Variants in CACNA1A observed in about 807,000 individuals in gnomAD.
The protein encoded by CACNA1A is calcium voltage-gated channel subunit alpha1 A.
In CACNA1A, 57 loss-of-function variants were observed where a neutral mutation model predicts 262.4. The ratio of observed to expected loss-of-function variants is 0.22; its 90% CI spans 0.18 to 0.27. The LOEUF is 0.27. Ranked by LOEUF, CACNA1A falls within the 10% of genes least tolerant of loss-of-function variation. The probability of loss-of-function intolerance (pLI) is 1.00; values close to 1 mark genes in which losing one functional copy is unlikely to be tolerated. For synonymous variants in CACNA1A, 1,431 were observed against 1,419.3 expected, an observed-to-expected ratio of 1.01 and a Z score of -0.18; for missense variants, 2,526 against 3,562.8, an observed-to-expected ratio of 0.71 and a Z score of 7.41.
chr19:13,245,049 T>G, intron 31 of CACNA1A, 133 bp downstream of exon 31: 1 of 744,208 alleles, frequency 1.3e-6, no homozygotes, highest in Admixed American at 2.2e-5. Flanking sequence ...TCTCCCTCTC[T>G]GGTCATGGCC....
At chr19:13,352,198 G>C (rs1340393187) in intron 6 of CACNA1A, among the ~76,000 whole-genome samples, 1 of 152,048 alleles carries the variant, frequency 6.6e-6, no homozygotes, top group Non-Finnish European at 1.5e-5. Context: ...TTGAACTTAC[G>C]AGTTCGAGAC....
At chr19:13,365,581 ATTAAG>A in intron 4 of CACNA1A, 112 bp from the exon 5 acceptor site, 1 of 881,732 alleles carries the variant, frequency 1.1e-6, no homozygotes, top group Non-Finnish European at 1.7e-6. Context: ...CTGAGGGAAC[ATTAAG>A]CACCCAGGAG....
At chr19:13,237,227 A>G (rs1600142819) in intron 31 of CACNA1A, among the ~76,000 whole-genome samples, 1 of 152,076 alleles carries the variant, frequency 6.6e-6, no homozygotes, top group South Asian at 2.1e-4. Context: ...AGACATGGAA[A>G]CCCTCCTTCG....
chr19:13,455,218 G>A lies in CACNA1A; in HGVS notation c.294-6C>T, dbSNP rs764502828. 3.3e-5 allele frequency: 51 copies of A among 1,549,768 alleles called. No individual in the cohort carries two copies. In the Admixed American group the frequency reaches 8.5e-4, roughly 26 times the overall value. ...AAATCATATATTCAAAGGGAGTATT[G>A]GGGAATTAAGGAAAAATCTTGTTCA... On this transcript the variant is annotated splice_region_variant and splice_polypyrimidine_tract_variant and intron_variant, in intron 1 of 46. Coordinates refer to ENST00000360228, the MANE Select transcript of CACNA1A (RefSeq NM_001127222.2).
chr19:13,216,644 A>C (rs2055019465), intron 38 of CACNA1A, among the ~76,000 whole-genome samples: 1 of 140,750 alleles, frequency 7.1e-6, no homozygotes, highest in Non-Finnish European at 1.5e-5. Flanking sequence ...TTTTTTTAAA[A>C]ATTTATCTAT....
intron 3 of CACNA1A, among the ~76,000 whole-genome samples, chr19:13,440,882 T>A (rs1330461595): frequency 6.6e-6 from 1 of 152,214 alleles, no homozygotes; most frequent in African/African-American, 2.4e-5. Flanking sequence ...CACGGCTCAC[T>A]GCAGACTTGA....
rs2056077870 is a variant in CACNA1A at position 13,241,408 on chromosome 19, A to G, written c.4950+3774T>C. On this transcript the variant is annotated intron_variant, in intron 31 of 46. Transcript: ENST00000360228. This position sits in a 1 kb window ranked among gnomAD's most constrained non-coding sequence, Gnocchi z 4.0. ...CAGAGGAGAGCGGAGGGTTGAGGAG[A>G]GCGTCAGGCATCCCACGTTGGAGAG... is the stretch of plus-strand genomic sequence containing the variant. The G allele has an allele frequency of 8.1e-6, 6 of 737,608 alleles. No homozygotes were observed. The highest frequency in any genetic ancestry group is 5.9e-5 in the South Asian group (4 of 67,634). 45.7% of individuals were successfully genotyped at this position (737,608 alleles called of 1,614,324 possible).
chr19:13,479,393 C>T (rs1978972620), intron 1 of CACNA1A, among the ~76,000 whole-genome samples: 2 of 152,138 alleles, frequency 1.3e-5, no homozygotes, highest in Non-Finnish European at 1.5e-5. Flanking sequence ...GAGAGAAGAA[C>T]AATGCAGACA....
In CACNA1A at chr19:13,428,971, C is replaced by CAG. The variant is rs946850301; in HGVS notation, c.539+23903_539+23904dup. On this transcript the variant is annotated intron_variant, in intron 3 of 46. Transcript: ENST00000360228. ...CGGCACAGGTGAATCACGCCTCAAA[C>CAG]AGAGAGAGCCTCTGCAAATGGAATA... Among the ~76,000 whole-genome samples, 81 of 152,186 alleles carry CAG rather than the reference C, an allele frequency of 5.3e-4. 2 individuals are homozygous for CAG. Among genetic ancestry groups the CAG allele is most frequent in the Admixed American group, 5.0e-3 (77 of 15,268 alleles).
In CACNA1A at chr19:13,308,988, C is replaced by CTTAT. The variant is rs935034457; in HGVS notation, c.1669-464_1669-461dup. Among the ~76,000 whole-genome samples the CTTAT allele has an allele frequency of 7.2e-5, 11 of 151,834 alleles. No homozygotes were observed. The highest frequency in any genetic ancestry group is 1.9e-4 in the East Asian group (1 of 5,184). On this transcript the variant is annotated intron_variant, in intron 12 of 46. Coordinates refer to ENST00000360228, the MANE Select transcript of CACNA1A (RefSeq NM_001127222.2). The surrounding 1 kb of genome is among the most constrained non-coding windows in gnomAD (Gnocchi z 4.2). Reference sequence around the variant, plus strand: ...AGCATTGAGCCACTGCACCCGGCCTCTTATTTATTTATTTATTTTTATTTA... The same window carrying CTTAT: ...AGCATTGAGCCACTGCACCCGGCCTCTTATTTATTTATTTATTTATTTTTATTTA...
chr19:13,336,433 G>A (rs1387971239), intron 6 of CACNA1A, among the ~76,000 whole-genome samples: 1 of 151,908 alleles, frequency 6.6e-6, no homozygotes, highest in Non-Finnish European at 1.5e-5. Context: ...AAAATTCTCA[G>A]AAGTTTCAGC....
rs138200992 is a variant in CACNA1A, at chr19:13,439,082, T to C, written c.539+13794A>G. Among the ~76,000 whole-genome samples, 177 of 152,008 alleles carry C rather than the reference T, an allele frequency of 1.2e-3. 6 individuals are homozygous for C. The East Asian group carries it at 0.029, about 25-fold the overall frequency. The stretch of plus-strand genomic sequence containing the variant: ...TATCCTGTTCCCCTGTTTCCTGGTA[T>C]TGCCAAACAAACCACTTGTCCTCAA... On this transcript the variant is annotated intron_variant, in intron 3 of 46. Coordinates refer to ENST00000360228, the MANE Select transcript of CACNA1A (RefSeq NM_001127222.2).
intron 38 of CACNA1A, among the ~76,000 whole-genome samples, chr19:13,218,092 T>A (rs1484717804): frequency 2.6e-5 from 4 of 151,892 alleles, no homozygotes; most frequent in African/African-American, 9.7e-5. Context: ...GTTCATTCTA[T>A]TTATTTATTT....
intron 30 of CACNA1A, 189 bp from the exon 31 acceptor site, chr19:13,245,454 C>T: frequency 1.7e-6 from 1 of 591,330 alleles, no homozygotes; most frequent in South Asian, 1.9e-5. Context: ...CCTGGGAACT[C>T]CTGGGGGCCT....
intron 4 of CACNA1A, among the ~76,000 whole-genome samples, chr19:13,370,268 G>A (rs984388745): frequency 6.6e-6 from 1 of 151,654 alleles, no homozygotes; most frequent in Non-Finnish European, 1.5e-5. Context: ...GCCCGGCTAA[G>A]TTTTGTATTT....
chr19:13,290,764 T>TAC (rs936997485), intron 19 of CACNA1A, among the ~76,000 whole-genome samples: 1 of 152,018 alleles, frequency 6.6e-6, no homozygotes, highest in Non-Finnish European at 1.5e-5. Flanking sequence ...CACATATATA[T>TAC]ACACATTTCA....
rs991774855 is a variant in CACNA1A, at chr19:13,453,367, A to G, written c.400-352T>C. Among the ~76,000 whole-genome samples the G allele has an allele frequency of 4.6e-5, 7 of 152,238 alleles. No individual in the cohort carries two copies. The East Asian group carries it at 1.3e-3, about 29-fold the overall frequency. On this transcript the variant is annotated intron_variant, in intron 2 of 46. Coordinates refer to ENST00000360228, the MANE Select transcript of CACNA1A (RefSeq NM_001127222.2). ...TTAAATGCAATAAAATAAAAAACAC[A>G]GTTCTGCAGTCACACTGGCTACATT... is the stretch of plus-strand genomic sequence containing the variant.
chr19:13,432,971 C>T (rs2060540341), intron 3 of CACNA1A, among the ~76,000 whole-genome samples: 2 of 151,662 alleles, frequency 1.3e-5, no homozygotes, highest in African/African-American at 4.8e-5. Flanking sequence ...CCAGCTTGGG[C>T]AACATAGCAA....
intron 19 of CACNA1A, among the ~76,000 whole-genome samples, chr19:13,292,174 C>T (rs2057555275): frequency 6.6e-6 from 1 of 152,080 alleles, no homozygotes; most frequent in Non-Finnish European, 1.5e-5. Context: ...CCACTGGGCT[C>T]GGCCACCTGG....
Sources: allele counts gnomAD v4.1 joint callset (sites outside exome capture counted in the v4.1 genomes callset), GRCh38; gene constraint gnomAD v4.1.1; non-coding constraint Gnocchi (gnomAD v3.1); transcripts MANE v1.5; gene names NCBI Gene and HGNC (gene_info 2026-07-23, HGNC 2026-07-21).